Variants in FAM234B observed in about 807,000 individuals in gnomAD.
FAM234B encodes the protein protein FAM234B.
Under a neutral mutation model 69.3 loss-of-function variants are expected in FAM234B, and 33 were observed. The observed-to-expected ratio is 0.48, with a 90% CI of 0.36 to 0.64. FAM234B has a LOEUF of 0.64. Ranked by LOEUF, FAM234B falls within the 30% of genes least tolerant of loss-of-function variation. The pLI, the probability that FAM234B is intolerant of heterozygous loss-of-function variation, is 0.00. For missense variants in FAM234B, 697 were observed against 769.7 expected, an observed-to-expected ratio of 0.91 and a Z score of 1.12; for synonymous variants, 306 against 306.9, an observed-to-expected ratio of 1.00 and a Z score of 0.03.
At position 13,044,470 on chromosome 12, in the gene FAM234B, G is replaced by T. The variant is rs370875227; in HGVS notation, c.37+30G>T. On this transcript the variant is annotated intron_variant, in intron 1 of 12. Transcript: ENST00000197268. This position sits in a 1 kb window ranked among gnomAD's most constrained non-coding sequence, Gnocchi z 5.6. Reference sequence around the variant, plus strand: ...GGAGTCGCATGCTTGCGACCACCCAGTCCCCGCCGGTGTTGGAATAAGGGG... The same window carrying T: ...GGAGTCGCATGCTTGCGACCACCCATTCCCCGCCGGTGTTGGAATAAGGGG... 194 of 1,549,838 alleles carry T rather than the reference G, an allele frequency of 1.3e-4. No homozygotes were observed. The highest frequency in any genetic ancestry group is 1.6e-4 in the Non-Finnish European group (184 of 1,146,072).
chr12:13,046,892 C>G (rs985680027), intron 1 of FAM234B, among the ~76,000 whole-genome samples: 2 of 152,220 alleles, frequency 1.3e-5, no homozygotes, highest in African/African-American at 4.8e-5. Context: ...GTTTCCTCAT[C>G]TGTAACAATA....
At position 13,076,126 on chromosome 12, in the gene FAM234B, C is replaced by A; in HGVS notation, c.1625C>A (p.Thr542Lys). The A allele has an allele frequency of 6.2e-7, 1 of 1,613,540 alleles. No individual in the cohort carries two copies. Among genetic ancestry groups the A allele is most frequent in the Non-Finnish European group, 8.5e-7 (1 of 1,179,408 alleles). Reference sequence around the variant, plus strand: ...CTGGATCTGGCCAACACCACCGGCACAGTGACGGCTTCAGAGGGTGAGTCC... The same window carrying A: ...CTGGATCTGGCCAACACCACCGGCAAAGTGACGGCTTCAGAGGGTGAGTCC... The part of the protein sequence containing the change: ...ILLDLANTTG[T>K]VTASEVGIND... The change falls in exon 11 of 13, where the codon ACA (threonine) becomes AAA (lysine). Residue 542 changes from threonine (T) to lysine (K), a missense_variant. By Grantham distance (78) the Thr-to-Lys change is moderately conservative. Coordinates refer to ENST00000197268, the MANE Select transcript of FAM234B (RefSeq NM_020853.2).
Position 13,067,415 on chromosome 12 carries a change from T to C in FAM234B, c.1142+119T>C. The C allele has an allele frequency of 1.1e-5, 11 of 1,008,466 alleles. 1 individual carries two copies. The South Asian group carries it at 1.7e-4, about 16-fold the overall frequency. The allele number at this position is 1,008,466 out of a possible 1,614,324, so 62.5% of individuals were successfully genotyped here. A position where few individuals can be genotyped will look rare whatever the true frequency, so the allele number is the denominator to read the frequency against. On this transcript the variant is annotated intron_variant, in intron 7 of 12. Coordinates refer to ENST00000197268, the MANE Select transcript of FAM234B (RefSeq NM_020853.2). The surrounding 1 kb of genome is among the most constrained non-coding windows in gnomAD (Gnocchi z 4.7). The stretch of plus-strand genomic sequence containing the variant: ...GGTAGAGGTTTAGGGGAAACAGTGC[T>C]TATCTTAATTTACCATCTTCTGATC...
At chr12:13,045,978 C>T (rs896716569) in intron 1 of FAM234B, among the ~76,000 whole-genome samples, 3 of 152,088 alleles carry the variant, frequency 2.0e-5, no homozygotes, top group African/African-American at 7.2e-5. Context: ...TGTTATTACT[C>T]CCTGGAGTAT....
chr12:13,046,645 A>T (rs1370265723), intron 1 of FAM234B, among the ~76,000 whole-genome samples: 5 of 152,002 alleles, frequency 3.3e-5, no homozygotes, highest in Non-Finnish European at 5.9e-5. Flanking sequence ...TTTTTAGTAG[A>T]GACAGGGTTT....
Position 13,061,972 on chromosome 12 carries a change from G to A in FAM234B, c.721+209G>A, listed in dbSNP as rs1028219541. ...GTTCAACCTGTTTGGTGATAGGATGGGGCTGGAACTGAATTACCCAAACAG... is the reference window on the plus strand; with the variant it reads ...GTTCAACCTGTTTGGTGATAGGATGAGGCTGGAACTGAATTACCCAAACAG... On this transcript the variant is annotated intron_variant, in intron 4 of 12. Coordinates refer to ENST00000197268, the MANE Select transcript of FAM234B (RefSeq NM_020853.2). Among the ~76,000 whole-genome samples the A allele has an allele frequency of 3.4e-4, 51 of 148,716 alleles. 1 individual carries two copies. The highest frequency in any genetic ancestry group is 1.2e-3 in the African/African-American group (46 of 39,578).
chr12:13,055,734 T>G lies in FAM234B; in HGVS notation c.221T>G (p.Leu74Arg). ...AEVAEAAKPH[L>R]SEVTTEGYPS... ...GTTGCAGAGGCTGCAAAGCCACATC[T>G]TTCAGAAGTCACCACGGAGGGCTAC... is the stretch of plus-strand genomic sequence containing the variant. The change falls in exon 2 of 13, where the codon CTT becomes CGT. Residue 74 changes from leucine (L) to arginine (R), a missense_variant. Physicochemically the swap from Leu to Arg is moderately radical, Grantham distance 102. Coordinates refer to ENST00000197268, the MANE Select transcript of FAM234B (RefSeq NM_020853.2). The G allele has an allele frequency of 6.2e-7, 1 of 1,614,214 alleles. No individual in the cohort carries two copies. The highest frequency in any genetic ancestry group is 8.5e-7 in the Non-Finnish European group (1 of 1,180,028).
intron 5 of FAM234B, among the ~76,000 whole-genome samples, chr12:13,063,298 A>G (rs1306285111): frequency 1.3e-5 from 2 of 152,212 alleles, no homozygotes; most frequent in Non-Finnish European, 2.9e-5. Flanking sequence ...GTTTCTTCAT[A>G]TGTAAAAAAG....
chr12:13,079,724 A>G, intron 11 of FAM234B, 65 bp from the exon 12 acceptor site: 1 of 979,190 alleles, frequency 1.0e-6, no homozygotes, highest in Non-Finnish European at 1.6e-6. Flanking sequence ...GTTGAACCAA[A>G]CCCCTCTCCT....
intron 9 of FAM234B, among the ~76,000 whole-genome samples, chr12:13,069,789 G>A (rs947318680): frequency 1.3e-5 from 2 of 152,206 alleles, no homozygotes; most frequent in South Asian, 2.1e-4. Context: ...ATCTGGAGGA[G>A]GCGTTGGAGG....
chr12:13,059,649 A>G (rs1864965207), intron 3 of FAM234B, among the ~76,000 whole-genome samples: 1 of 152,166 alleles, frequency 6.6e-6, no homozygotes, highest in African/African-American at 2.4e-5. Flanking sequence ...ATACATGTCT[A>G]GGTGTGTTTT....
chr12:13,048,022 A>G (rs1864830422), intron 1 of FAM234B, among the ~76,000 whole-genome samples: 1 of 152,238 alleles, frequency 6.6e-6, no homozygotes, highest in African/African-American at 2.4e-5. Flanking sequence ...GTATCTGAAA[A>G]AAAAATTAGT....
At position 13,079,955 on chromosome 12, in the gene FAM234B, T is replaced by G. The variant is rs912043732; in HGVS notation, c.1809T>G (p.Arg603=). The change falls in exon 12 of 13, where the codon CGT becomes CGG. Residue 603 remains arginine, a synonymous_variant. Transcript: ENST00000197268. ...QLQESTPKIG[R]GELRRFLSRI... ...AGGAGTCCACCCCCAAAATTGGCCG[T>G]GGGGAGCTGCGAAGATTTCTCTCTA... 3 of 1,612,936 alleles carry G rather than the reference T, an allele frequency of 1.9e-6. No individual in the cohort carries two copies. The highest frequency in any genetic ancestry group is 2.5e-6 in the Non-Finnish European group (3 of 1,179,606).
Position 13,080,026 on chromosome 12 carries a change from A to G in FAM234B, c.1863+17A>G, listed in dbSNP as rs1424485427. ...CCCTACGAGGTGAGTGGCTGCAGAA[A>G]TATTGTTCCTCTTGAGGGTTTAGGA... On this transcript the variant is annotated intron_variant, in intron 12 of 12. Transcript: ENST00000197268. The G allele has an allele frequency of 6.5e-7, 1 of 1,549,194 alleles. No homozygotes were observed. The highest frequency in any genetic ancestry group is 1.4e-5 in the African/African-American group (1 of 72,962).
chr12:13,082,535 A>G lies in FAM234B; in HGVS notation c.*1905A>G, dbSNP rs911542373. 1 of 152,212 alleles carries G rather than the reference A, an allele frequency of 6.6e-6. No individual in the cohort carries two copies. The highest frequency in any genetic ancestry group is 2.4e-5 in the African/African-American group (1 of 41,432). 9.4% of individuals were successfully genotyped at this position (152,212 alleles called of 1,614,324 possible). Reference sequence around the variant, plus strand: ...AGCTTGACTTTGGAGGAATAAGAAGATACTTCTAGAGTATGGGAATGATTC... The same window carrying G: ...AGCTTGACTTTGGAGGAATAAGAAGGTACTTCTAGAGTATGGGAATGATTC... On this transcript the variant is annotated 3_prime_UTR_variant, in exon 13 of 13. Transcript: ENST00000197268.
chr12:13,066,597 A>T lies in FAM234B; in HGVS notation c.853-43A>T, dbSNP rs756370804. 1.2e-5 allele frequency: 19 copies of T among 1,563,100 alleles called. No homozygotes were observed. In the African/African-American group the frequency reaches 2.6e-4, roughly 21 times the overall value. ...GGAGAAGCCATTTCATTAGCAAACG[A>T]TAGGGCTTCTATTGACTCCACCCCC... On this transcript the variant is annotated intron_variant, in intron 5 of 12. Transcript: ENST00000197268.
intron 9 of FAM234B, 47 bp from the exon 10 acceptor site, chr12:13,071,194 C>T: frequency 1.2e-6 from 2 of 1,603,108 alleles, no homozygotes; most frequent in Non-Finnish European, 1.7e-6. Flanking sequence ...GGGCCTGCTG[C>T]TTTTTTGAGG....
chr12:13,076,895 CA>C (rs1865167881), intron 11 of FAM234B, among the ~76,000 whole-genome samples: 1 of 152,194 alleles, frequency 6.6e-6, no homozygotes, highest in South Asian at 2.1e-4. Context: ...GTTGGGAGGT[CA>C]GGGAGTGCAG....
intron 10 of FAM234B, among the ~76,000 whole-genome samples, chr12:13,074,018 T>G (rs569118410): frequency 1.8e-4 from 27 of 152,226 alleles, no homozygotes; most frequent in Non-Finnish European, 3.4e-4. Context: ...CACCACAAAT[T>G]TGATGCATGT....
Sources: gnomAD v4.1 joint callset for allele counts (sites outside exome capture counted in the v4.1 genomes callset) on GRCh38, gnomAD v4.1.1 for gene constraint, Gnocchi (gnomAD v3.1) non-coding constraint, MANE v1.5 for transcripts, NCBI Gene and HGNC (gene_info 2026-07-23, HGNC 2026-07-21) for gene names.